Variants in POT1 observed in about 807,000 individuals in gnomAD.
POT1 encodes the protein protection of telomeres 1, also known as protection of telomeres protein 1.
Under a neutral mutation model 78.5 loss-of-function variants are expected in POT1, and 47 were observed. The ratio of observed to expected loss-of-function variants is 0.60; its 90% CI spans 0.47 to 0.76. POT1 has a LOEUF of 0.76. Among genes scored for constraint, POT1 ranks in the 30% least tolerant of loss-of-function variants. The pLI, the probability that POT1 is intolerant of heterozygous loss-of-function variation, is 0.00. For missense variants in POT1, 646 were observed against 749.9 expected (o/e 0.86, Z 1.62); for synonymous variants, 259 against 260.7 (o/e 0.99, Z 0.06).
chr7:124,914,886 T>A (rs762388804), intron 3 of POT1, among the ~76,000 whole-genome samples: 62 of 152,322 alleles, frequency 4.1e-4, no homozygotes, highest in South Asian at 3.1e-3. Flanking sequence ...CTCAATTTTC[T>A]ACAAGTATCT....
chr7:124,905,264 T>G (rs1796735167), intron 3 of POT1, among the ~76,000 whole-genome samples: 2 of 152,306 alleles, frequency 1.3e-5, no homozygotes, highest in South Asian at 4.1e-4. Flanking sequence ...AACAGCATGG[T>G]ACTGGTACCA....
At chr7:124,905,615 C>T (rs1796746113) in intron 3 of POT1, among the ~76,000 whole-genome samples, 1 of 151,812 alleles carries the variant, frequency 6.6e-6, no homozygotes, top group Admixed American at 6.6e-5. Context: ...GCAATGGCAA[C>T]AAAAGCCAAA....
chr7:124,832,822 A>G (rs1487632322), intron 15 of POT1, among the ~76,000 whole-genome samples: 2 of 52,196 alleles, frequency 3.8e-5, no homozygotes, highest in Non-Finnish European at 8.7e-5. Context: ...ACTTCATCTC[A>G]AAAAAAAAAA....
intron 7 of POT1, among the ~76,000 whole-genome samples, chr7:124,866,523 T>G (rs1404449914): frequency 1.3e-5 from 2 of 152,172 alleles, no homozygotes; most frequent in African/African-American, 4.8e-5. Context: ...AACCAAGTAT[T>G]CGAGCCCACC....
chr7:124,877,574 C>A (rs1008112133), intron 6 of POT1, among the ~76,000 whole-genome samples: 2 of 151,744 alleles, frequency 1.3e-5, no homozygotes, highest in Non-Finnish European at 2.9e-5. Flanking sequence ...TGGGGGCTCA[C>A]ACCTGTAATC....
chr7:124,920,353 T>C (rs764344560), intron 2 of POT1, among the ~76,000 whole-genome samples: 1 of 152,172 alleles, frequency 6.6e-6, no homozygotes, highest in Non-Finnish European at 1.5e-5. Context: ...TAATGCCATT[T>C]ATATGACATT....
intron 15 of POT1, among the ~76,000 whole-genome samples, chr7:124,832,633 G>A (rs901880177): frequency 6.6e-6 from 1 of 151,982 alleles, no homozygotes; most frequent in African/African-American, 2.4e-5. Context: ...TGGCCAACAT[G>A]GTGAAACCTC....
chr7:124,908,711 T>A (rs1796823325), intron 3 of POT1, among the ~76,000 whole-genome samples: 1 of 151,990 alleles, frequency 6.6e-6, no homozygotes, highest in Admixed American at 6.6e-5. Flanking sequence ...TCCATGACTG[T>A]CTTATTCACT....
intron 3 of POT1, among the ~76,000 whole-genome samples, chr7:124,901,357 A>G (rs1411465851): frequency 6.6e-6 from 1 of 152,204 alleles, no homozygotes; most frequent in East Asian, 1.9e-4. Flanking sequence ...GCTGTTCTGC[A>G]GCCTCTGCTG....
In POT1 at chr7:124,880,650, G is replaced by A. The variant is rs1332050829; in HGVS notation, c.125-9609C>T. ...TGAAGATGTCAACTTTCCAAAAGAT[G>A]ACCTAACAGACTGCAAAAGACTCTA... On this transcript the variant is annotated intron_variant, in intron 6 of 18. Coordinates refer to ENST00000357628, the MANE Select transcript of POT1 (RefSeq NM_015450.3). Among the ~76,000 whole-genome samples the A allele has an allele frequency of 3.3e-5, 5 of 152,076 alleles. No individual in the cohort carries two copies. The Middle Eastern group carries it at 0.014, about 414-fold the overall frequency.
At chr7:124,904,207 T>C (rs918501216) in intron 3 of POT1, among the ~76,000 whole-genome samples, 3 of 151,888 alleles carry the variant, frequency 2.0e-5, no homozygotes, top group Admixed American at 1.3e-4. Context: ...GGCAGAGACA[T>C]AACAAAAAAA....
chr7:124,924,162 A>T (rs1797218494), intron 2 of POT1, among the ~76,000 whole-genome samples: 1 of 151,008 alleles, frequency 6.6e-6, no homozygotes, highest in Non-Finnish European at 1.5e-5. Context: ...AATCCAAAAA[A>T]AAAAAAACCC....
chr7:124,826,634 G>A (rs556515168), intron 17 of POT1, among the ~76,000 whole-genome samples: 2 of 152,298 alleles, frequency 1.3e-5, no homozygotes, highest in African/African-American at 4.8e-5. Context: ...CACTTTGGGA[G>A]GCCAAGGGTG....
chr7:124,859,967 T>A (rs1370618684), intron 8 of POT1, among the ~76,000 whole-genome samples: 1 of 151,916 alleles, frequency 6.6e-6, no homozygotes, highest in Non-Finnish European at 1.5e-5. Context: ...TTAAAATAAA[T>A]GCACTGTGGT....
intron 6 of POT1, among the ~76,000 whole-genome samples, chr7:124,877,665 T>C (rs1199290932): frequency 1.3e-5 from 2 of 151,600 alleles, no homozygotes; most frequent in Non-Finnish European, 2.9e-5. Context: ...ACCCCATCTC[T>C]ACTAAAAAAT....
At chr7:124,917,246 T>A (rs760331130) in intron 2 of POT1, among the ~76,000 whole-genome samples, 57 of 152,098 alleles carry the variant, frequency 3.7e-4, no homozygotes, top group Non-Finnish European at 6.5e-4. Flanking sequence ...TAACATGGTC[T>A]ACTACTGGAA....
intron 3 of POT1, among the ~76,000 whole-genome samples, chr7:124,899,941 T>G (rs1796580354): frequency 6.6e-6 from 1 of 152,128 alleles, no homozygotes; most frequent in South Asian, 2.1e-4. Flanking sequence ...AATAAATGAC[T>G]AAAAGCTGGA....
At chr7:124,832,360 T>C (rs1794788209) in intron 15 of POT1, among the ~76,000 whole-genome samples, 1 of 152,212 alleles carries the variant, frequency 6.6e-6, no homozygotes, top group South Asian at 2.1e-4. Context: ...TTAATTTTTC[T>C]ATAAGTTAAA....
At chr7:124,916,117 T>C (rs2116698880) in intron 2 of POT1, among the ~76,000 whole-genome samples, 1 of 152,252 alleles carries the variant, frequency 6.6e-6, no homozygotes, top group South Asian at 2.1e-4. Context: ...ACTAACCAGC[T>C]CTGTCAGTTT....
Sources: gnomAD v4.1 joint callset for allele counts (sites outside exome capture counted in the v4.1 genomes callset) on GRCh38, gnomAD v4.1.1 for gene constraint, MANE v1.5 for transcripts, NCBI Gene and HGNC (gene_info 2026-07-23, HGNC 2026-07-21) for gene names.